Variants in ZFHX3 observed in about 807,000 individuals in gnomAD.
The protein encoded by ZFHX3 is zinc finger homeobox 3.
A neutral mutation model predicts 279.1 loss-of-function variants in ZFHX3; 42 were observed. The ratio of observed to expected loss-of-function variants is 0.15; its 90% CI spans 0.12 to 0.19. The LOEUF is 0.19. ZFHX3 is among the 10% of genes least tolerant of loss of function. ZFHX3 has a pLI of 1.00. For synonymous variants in ZFHX3, 2,293 were observed against 1,957.8 expected, an observed-to-expected ratio of 1.17 and a Z score of -4.52; for missense variants, 4,981 against 4,754.0, an observed-to-expected ratio of 1.05 and a Z score of -1.40.
chr16:73,435,074 C>A (rs187743036), intron 3 of ZFHX3, among the ~76,000 whole-genome samples: 10 of 152,166 alleles, frequency 6.6e-5, no homozygotes, highest in African/African-American at 1.9e-4. Flanking sequence ...AACTGGCTGG[C>A]TGGCTGGCTG....
At chr16:73,029,735 G>T (rs147642129) in intron 1 of ZFHX3, among the ~76,000 whole-genome samples, 2,227 of 152,298 alleles carry the variant, frequency 0.015, 44 homozygotes, top group African/African-American at 0.048. Flanking sequence ...TTCCTGCGTG[G>T]ACATCTTTAG....
chr16:73,734,906 G>C (rs1159478388), intron 1 of ZFHX3, among the ~76,000 whole-genome samples: 4 of 152,084 alleles, frequency 2.6e-5, no homozygotes, highest in Non-Finnish European at 5.9e-5. Flanking sequence ...CTCTTAGTTT[G>C]CTGCAATACA....
intron 1 of ZFHX3, among the ~76,000 whole-genome samples, chr16:73,733,417 C>T (rs560295813): frequency 6.6e-6 from 1 of 152,226 alleles, no homozygotes; most frequent in South Asian, 2.1e-4. Context: ...ATTAATTTTA[C>T]TCATTTTAGG....
chr16:72,980,614 A>C (rs1033900073), intron 1 of ZFHX3, among the ~76,000 whole-genome samples: 19 of 144,720 alleles, frequency 1.3e-4, no homozygotes, highest in Non-Finnish European at 2.5e-4. Context: ...AAAAAAAAAA[A>C]AACAAAAACA....
intron 8 of ZFHX3, among the ~76,000 whole-genome samples, chr16:73,085,595 T>C (rs990885989): frequency 6.6e-6 from 1 of 152,194 alleles, no homozygotes; most frequent in Non-Finnish European, 1.5e-5. Flanking sequence ...GACAGTCTCT[T>C]CAATAAATGT....
intron 2 of ZFHX3, among the ~76,000 whole-genome samples, chr16:73,642,707 C>T (rs1460767798): frequency 3.9e-5 from 6 of 152,188 alleles, no homozygotes; most frequent in South Asian, 2.1e-4. Context: ...CACCCTTCCA[C>T]ATAGGTACCC....
intron 8 of ZFHX3, among the ~76,000 whole-genome samples, chr16:73,089,337 C>A (rs905846244): frequency 1.3e-5 from 2 of 152,202 alleles, no homozygotes; most frequent in South Asian, 4.1e-4. Flanking sequence ...CTCCTGACCT[C>A]AGGTGATCCA....
chr16:73,481,880 C>T (rs970799458), intron 2 of ZFHX3, among the ~76,000 whole-genome samples: 1 of 152,062 alleles, frequency 6.6e-6, no homozygotes, highest in Admixed American at 6.6e-5. Flanking sequence ...CAGAAATGCA[C>T]GGTCATGGGT....
In ZFHX3 at chr16:73,561,127, G is replaced by C. The variant is rs73602952; in HGVS notation, c.-1546-104869C>G. Among the ~76,000 whole-genome samples, 506 of 152,238 alleles carry C rather than the reference G, an allele frequency of 3.3e-3. 3 individuals are homozygous for C. The highest frequency in any genetic ancestry group is 0.011 in the African/African-American group (454 of 41,548). ...TTATCTGAAATACAAACCTAACTGGGTGTTCTGCATTTTTATTTGCTAAAT... is the reference window on the plus strand; with the variant it reads ...TTATCTGAAATACAAACCTAACTGGCTGTTCTGCATTTTTATTTGCTAAAT... On this transcript the variant is annotated intron_variant, in intron 2 of 17. Transcript: ENST00000641206.
chr16:73,718,937 C>A (rs570082178), intron 1 of ZFHX3, among the ~76,000 whole-genome samples: 2 of 152,110 alleles, frequency 1.3e-5, no homozygotes, highest in Non-Finnish European at 2.9e-5. Context: ...AAAACAAAAA[C>A]CAGCCCTCCT....
intron 1 of ZFHX3, among the ~76,000 whole-genome samples, chr16:73,021,830 CAAAAAAAAAAAA>C (rs60811631): frequency 1.4e-5 from 1 of 71,822 alleles, no homozygotes; most frequent in Non-Finnish European, 2.7e-5. Flanking sequence ...GACTCCATCT[CAAAAAAAAAAAA>C]AAAAAAAAAA....
intron 5 of ZFHX3, among the ~76,000 whole-genome samples, chr16:73,171,383 A>AG (rs1255809487): frequency 2.0e-5 from 3 of 151,760 alleles, no homozygotes; most frequent in Non-Finnish European, 4.4e-5. Flanking sequence ...TGAAAGCCTC[A>AG]GGCAGAAGGA....
At chr16:73,598,148 G>A (rs8058051) in intron 2 of ZFHX3, among the ~76,000 whole-genome samples, 2,870 of 152,230 alleles carry the variant, frequency 0.019, 104 homozygotes, top group African/African-American at 0.066. Flanking sequence ...GGGAGGGACA[G>A]GACAGTTGGG....
At chr16:73,018,442 C>T (rs1406175411) in intron 1 of ZFHX3, among the ~76,000 whole-genome samples, 1 of 152,090 alleles carries the variant, frequency 6.6e-6, no homozygotes, top group African/African-American at 2.4e-5. Flanking sequence ...CCCGTCTCTA[C>T]TAAAACCACA....
intron 1 of ZFHX3, among the ~76,000 whole-genome samples, chr16:73,770,560 A>G (rs1241375219): frequency 1.3e-5 from 2 of 152,198 alleles, no homozygotes; most frequent in Non-Finnish European, 2.9e-5. Flanking sequence ...TAATAATATC[A>G]CTCTCAAGCA....
At chr16:73,357,529 C>A (rs966896359) in intron 3 of ZFHX3, among the ~76,000 whole-genome samples, 4 of 152,156 alleles carry the variant, frequency 2.6e-5, no homozygotes, top group Non-Finnish European at 1.5e-5. Flanking sequence ...TGGAGGCACA[C>A]TGGGCCCTGT....
intron 1 of ZFHX3, among the ~76,000 whole-genome samples, chr16:73,753,751 T>C (rs1219990542): frequency 6.6e-6 from 1 of 152,132 alleles, no homozygotes; most frequent in Non-Finnish European, 1.5e-5. Context: ...TCAAGTTCAA[T>C]GCTAATTAAT....
intron 1 of ZFHX3, among the ~76,000 whole-genome samples, chr16:73,847,583 T>G (rs1050678088): frequency 4.6e-5 from 7 of 152,130 alleles, no homozygotes; most frequent in Admixed American, 2.0e-4. Context: ...TGAGCCAACT[T>G]CAGCAAGTTA....
intron 3 of ZFHX3, among the ~76,000 whole-genome samples, chr16:73,442,892 T>A (rs1041299098): frequency 6.6e-6 from 1 of 152,286 alleles, no homozygotes; most frequent in East Asian, 1.9e-4. Context: ...GCTACAGACA[T>A]GTGCCACCTA....
Sources: allele counts gnomAD v4.1 joint callset (sites outside exome capture counted in the v4.1 genomes callset), GRCh38; gene constraint gnomAD v4.1.1; transcripts MANE v1.5; gene names NCBI Gene and HGNC (gene_info 2026-07-23, HGNC 2026-07-21).